The following CPLANE1 variants were observed in gnomAD, a reference collection of about 807,000 sequenced individuals.
CPLANE1 encodes the protein ciliogenesis and planar polarity effector 1.
CPLANE1 carries 263 observed loss-of-function variants against 362.5 expected under a neutral mutation model. The observed-to-expected ratio is 0.73, with a 90% confidence interval of 0.66 to 0.80. CPLANE1 has a LOEUF of 0.80. CPLANE1 is among the 30% of genes least tolerant of loss of function. CPLANE1 has a pLI of 0.00. For synonymous variants in CPLANE1, 1,212 were observed against 1,302.6 expected (o/e 0.93, Z 1.50); for missense variants, 3,461 against 3,793.4 (o/e 0.91, Z 2.30).
chr5:37,195,123 C>A (rs1786938019), intron 21 of CPLANE1, among the ~76,000 whole-genome samples: 1 of 149,450 alleles, frequency 6.7e-6, no homozygotes, highest in Admixed American at 6.7e-5. Context: ...CCACTGCACT[C>A]CAGCCTGGGA....
At chr5:37,224,785 A>G in intron 12 of CPLANE1, 45 bp from the exon 13 acceptor site, 1 of 1,386,412 alleles carries the variant, frequency 7.2e-7, no homozygotes, top group South Asian at 1.3e-5. Flanking sequence ...TTTCAGGCTA[A>G]TGATGAGTTT....
At chr5:37,187,053 T>C (rs1580540755) in intron 23 of CPLANE1, among the ~76,000 whole-genome samples, 1 of 83,278 alleles carries the variant, frequency 1.2e-5, no homozygotes, top group African/African-American at 9.7e-5. Flanking sequence ...AGAGCGAGAC[T>C]CCGTCTCAAA....
chr5:37,226,094 G>A (rs971363649), intron 12 of CPLANE1, among the ~76,000 whole-genome samples: 1 of 152,004 alleles, frequency 6.6e-6, no homozygotes, highest in African/African-American at 2.4e-5. Context: ...ATAATGCTGA[G>A]TGCTAACAGA....
At chr5:37,241,797 T>C (rs1011323601) in intron 6 of CPLANE1, among the ~76,000 whole-genome samples, 1 of 151,858 alleles carries the variant, frequency 6.6e-6, no homozygotes, top group African/African-American at 2.4e-5. Flanking sequence ...CAGCTAATTT[T>C]TTTTATATTT....
In CPLANE1 at chr5:37,106,850, C is replaced by T; in HGVS notation, c.*752G>A. 1.0e-6 allele frequency: 1 copy of T among 984,114 alleles called. No homozygotes were observed. Among genetic ancestry groups the T allele is most frequent in the African/African-American group, 1.7e-5 (1 of 57,314 alleles). The allele number at this position is 984,114 out of a possible 1,614,324, so 61.0% of individuals were successfully genotyped here. A position where few individuals can be genotyped will look rare whatever the true frequency, so the allele number is the denominator to read the frequency against. ...GAAGGATACTGGTTCTTAGTCAATT[C>T]TCATAAAAATTATCTCTTAAAACTA... On this transcript the variant is annotated 3_prime_UTR_variant, in exon 53 of 53. Coordinates refer to ENST00000651892, the MANE Select transcript of CPLANE1 (RefSeq NM_001384732.1).
Position 37,117,839 on chromosome 5 carries a change from G to A in CPLANE1, c.9310+2377C>T, listed in dbSNP as rs1484096276. On this transcript the variant is annotated intron_variant, in intron 50 of 52. Coordinates refer to ENST00000651892, the MANE Select transcript of CPLANE1 (RefSeq NM_001384732.1). Reference sequence around the variant, plus strand: ...AAGACGGGCTAAGGCCATAGCAACCGTCAAAGCACAAGGTAAAAATAAAGA... The same window carrying A: ...AAGACGGGCTAAGGCCATAGCAACCATCAAAGCACAAGGTAAAAATAAAGA... 3.9e-5 allele frequency among the ~76,000 whole-genome samples: 6 copies of A among 152,318 alleles called. No individual in the cohort carries two copies. In the South Asian group the frequency reaches 1.0e-3, roughly 26 times the overall value.
chr5:37,159,817 G>C (rs1389806960), intron 38 of CPLANE1, among the ~76,000 whole-genome samples: 1 of 152,106 alleles, frequency 6.6e-6, no homozygotes, highest in African/African-American at 2.4e-5. Context: ...GCATAATGCA[G>C]ATACATCTTT....
rs910183269 is a variant in CPLANE1, at chr5:37,189,125, C to A, written c.3812-1283G>T. ...TGGATTACAGGCATAAGCTACCACACCCAGCCTATGCCTTAATTTTTTAAA... is the reference window on the plus strand; with the variant it reads ...TGGATTACAGGCATAAGCTACCACAACCAGCCTATGCCTTAATTTTTTAAA... On this transcript the variant is annotated intron_variant, in intron 21 of 52. Coordinates refer to ENST00000651892, the MANE Select transcript of CPLANE1 (RefSeq NM_001384732.1). Among the ~76,000 whole-genome samples the A allele has an allele frequency of 3.3e-5, 5 of 152,178 alleles. No individual in the cohort carries two copies. In the East Asian group the frequency reaches 9.6e-4, roughly 29 times the overall value.
chr5:37,244,617 T>C lies in CPLANE1; in HGVS notation c.338-10A>G. On this transcript the variant is annotated splice_polypyrimidine_tract_variant and intron_variant, in intron 4 of 52. Transcript: ENST00000651892. ...AGTCTCAAAGAGCTTGCTAAAAAAGTAACAAAAAAAGTAATTAAGCCTCTG... is the reference window on the plus strand; with the variant it reads ...AGTCTCAAAGAGCTTGCTAAAAAAGCAACAAAAAAAGTAATTAAGCCTCTG... 1 of 1,500,586 alleles carries C rather than the reference T, an allele frequency of 6.7e-7. No individual in the cohort carries two copies. The highest frequency in any genetic ancestry group is 1.3e-5 in the South Asian group (1 of 77,400). 93.0% of individuals were successfully genotyped at this position (1,500,586 alleles called of 1,614,324 possible).
intron 50 of CPLANE1, among the ~76,000 whole-genome samples, chr5:37,115,484 T>A (rs989637327): frequency 1.3e-5 from 2 of 152,064 alleles, no homozygotes; most frequent in Admixed American, 1.3e-4. Context: ...ATTAATATAA[T>A]CCTCAACAAC....
At chr5:37,235,409 A>G (rs1291530638) in intron 8 of CPLANE1, among the ~76,000 whole-genome samples, 1 of 152,152 alleles carries the variant, frequency 6.6e-6, no homozygotes, top group East Asian at 1.9e-4. Flanking sequence ...GGCCAATATC[A>G]TTAAAATGAA....
intron 41 of CPLANE1, among the ~76,000 whole-genome samples, chr5:37,154,775 T>C (rs1023102122): frequency 1.3e-5 from 2 of 152,170 alleles, no homozygotes; most frequent in Admixed American, 6.5e-5. Context: ...ATGTCATTGA[T>C]GAAAGATCCC....
At position 37,157,476 on chromosome 5, in the gene CPLANE1, G is replaced by A. The variant is rs193126452; in HGVS notation, c.8012-56C>T. ...AATTGGCTGATTCTATCAAGACTAT[G>A]AAAAGCATTCAAAGACTGATTCTAA... On this transcript the variant is annotated intron_variant, in intron 40 of 52. Coordinates refer to ENST00000651892, the MANE Select transcript of CPLANE1 (RefSeq NM_001384732.1). 3.4e-3 allele frequency: 4,544 copies of A among 1,328,120 alleles called. 18 individuals are homozygous for A. The highest frequency in any genetic ancestry group is 5.4e-3 in the South Asian group (443 of 82,346). The allele number at this position is 1,328,120 out of a possible 1,614,324, so 82.3% of individuals were successfully genotyped here. A position where few individuals can be genotyped will look rare whatever the true frequency, so the allele number is the denominator to read the frequency against.
chr5:37,220,680 T>C (rs1795173624), intron 15 of CPLANE1, among the ~76,000 whole-genome samples: 1 of 152,110 alleles, frequency 6.6e-6, no homozygotes, highest in South Asian at 2.1e-4. Flanking sequence ...CCACCAAGCC[T>C]GGCTGATTTT....
Position 37,206,325 on chromosome 5 carries a change from T to C in CPLANE1, c.3021A>G (p.Glu1007=), listed in dbSNP as rs1790727844. 1 of 1,551,544 alleles carries C rather than the reference T, an allele frequency of 6.4e-7. No individual in the cohort carries two copies. The highest frequency in any genetic ancestry group is 8.7e-7 in the Non-Finnish European group (1 of 1,146,856). ...SNVWTVEYAL[E]LLFIGGLVPE... ...GAACCAGGCCACCAATAAATAGTAA[T>C]TCAAGTGCATATTCAACTGTCCACA... Residue 1007 remains glutamate, a synonymous_variant, in exon 17 of 53, where the codon GAA becomes GAG. Transcript: ENST00000651892.
chr5:37,236,009 A>G (rs1376849277), intron 8 of CPLANE1, among the ~76,000 whole-genome samples: 1 of 151,358 alleles, frequency 6.6e-6, no homozygotes, highest in Non-Finnish European at 1.5e-5. Flanking sequence ...AGCTGGGATT[A>G]CAGGCATGCA....
chr5:37,175,894 G>C lies in CPLANE1; in HGVS notation c.5978+15C>G. 6.3e-7 allele frequency: 1 copy of C among 1,584,556 alleles called. No homozygotes were observed. Among genetic ancestry groups the C allele is most frequent in the Non-Finnish European group, 8.7e-7 (1 of 1,154,330 alleles). ...ACAACTATTTTTAAATGGTATAGTAGGCAAAACTTCTTACCTAGAAATTTC... is the reference window on the plus strand; with the variant it reads ...ACAACTATTTTTAAATGGTATAGTACGCAAAACTTCTTACCTAGAAATTTC... On this transcript the variant is annotated intron_variant, in intron 31 of 52. Transcript: ENST00000651892.
At chr5:37,131,195 T>A (rs1214390267) in intron 46 of CPLANE1, among the ~76,000 whole-genome samples, 1 of 152,228 alleles carries the variant, frequency 6.6e-6, no homozygotes, top group Non-Finnish European at 1.5e-5. Context: ...ATGCAGTTAT[T>A]TGGGGGATGG....
chr5:37,203,180 T>C (rs1425915530), intron 18 of CPLANE1, among the ~76,000 whole-genome samples: 1 of 152,228 alleles, frequency 6.6e-6, no homozygotes, highest in African/African-American at 2.4e-5. Context: ...AAAGTTATAC[T>C]TCTTTGTAGT....
Sources: gnomAD v4.1 joint callset for allele counts (sites outside exome capture counted in the v4.1 genomes callset) on GRCh38, gnomAD v4.1.1 for gene constraint, MANE v1.5 for transcripts, NCBI Gene and HGNC (gene_info 2026-07-23, HGNC 2026-07-21) for gene names.